CCSER1: variants seen among roughly 807,000 people sequenced by gnomAD.
The protein encoded by CCSER1 is serine-rich coiled-coil domain-containing protein 1.
A neutral mutation model predicts 82.0 loss-of-function variants in CCSER1; 41 were observed. The observed-to-expected ratio is 0.50, with a 90% CI of 0.39 to 0.65. The LOEUF is 0.65. Ranked by LOEUF, CCSER1 falls within the 30% of genes least tolerant of loss-of-function variation. The pLI is 0.00. For synonymous variants in CCSER1, 414 were observed against 383.9 expected (o/e 1.08, Z -0.92); for missense variants, 1,119 against 1,064.2 (o/e 1.05, Z -0.72).
rs1237651176 is a variant in CCSER1 at position 90,681,720 on chromosome 4, C to A, written c.1933-42194C>A. Among the ~76,000 whole-genome samples, 2 of 1,896 alleles carry A rather than the reference C, an allele frequency of 1.1e-3. 1 individual carries two copies. Among genetic ancestry groups the A allele is most frequent in the Non-Finnish European group, 2.4e-3 (2 of 818 alleles). 1.2% of individuals were successfully genotyped at this position (1,896 alleles called of 152,430 possible). ...GTCGCTCACGCTGGGAGCTGTAGACCGGAGCTGTTCCTATTCGGCCATCTT... is the reference window on the plus strand; with the variant it reads ...GTCGCTCACGCTGGGAGCTGTAGACAGGAGCTGTTCCTATTCGGCCATCTT... On this transcript the variant is annotated intron_variant, in intron 6 of 10. Coordinates refer to ENST00000509176, the MANE Select transcript of CCSER1 (RefSeq NM_001145065.2).
At chr4:90,164,198 T>C (rs964503152) in intron 1 of CCSER1, among the ~76,000 whole-genome samples, 1 of 151,924 alleles carries the variant, frequency 6.6e-6, no homozygotes, top group African/African-American at 2.4e-5. Flanking sequence ...ACACATTTAA[T>C]AAGGGTTTTT....
chr4:90,980,101 G>A (rs1735974307), intron 9 of CCSER1, among the ~76,000 whole-genome samples: 2 of 151,854 alleles, frequency 1.3e-5, no homozygotes. Flanking sequence ...GAATGCTCAG[G>A]AGAGTAATTT....
chr4:90,158,377 C>T (rs893777343), intron 1 of CCSER1, among the ~76,000 whole-genome samples: 13 of 152,274 alleles, frequency 8.5e-5, no homozygotes, highest in Admixed American at 4.6e-4. Context: ...TCTCCAGCTG[C>T]GTGCTGGGAG....
intron 8 of CCSER1, among the ~76,000 whole-genome samples, chr4:90,911,941 C>T (rs7697269): frequency 0.47 from 70,924 of 151,966 alleles, 18,223 homozygotes; most frequent in African/African-American, 0.7. Context: ...GAGGGGCGCC[C>T]GCCATTGCTG....
At position 91,012,654 on chromosome 4, in the gene CCSER1, A is replaced by G. The variant is rs555940160; in HGVS notation, c.2173-73296A>G. On this transcript the variant is annotated intron_variant, in intron 9 of 10. Coordinates refer to ENST00000509176, the MANE Select transcript of CCSER1 (RefSeq NM_001145065.2). ...AGCTAAGCCTCAAGGGTAGAAGGGTACAAAGGCCATACACTGCTACAACAG... is the reference window on the plus strand; with the variant it reads ...AGCTAAGCCTCAAGGGTAGAAGGGTGCAAAGGCCATACACTGCTACAACAG... Among the ~76,000 whole-genome samples, 7 of 113,834 alleles carry G rather than the reference A, an allele frequency of 6.1e-5. No individual in the cohort carries two copies. In the East Asian group the frequency reaches 1.8e-3, roughly 30 times the overall value. 74.7% of individuals were successfully genotyped at this position (113,834 alleles called of 152,430 possible).
chr4:91,463,273 T>C (rs1297754748), intron 10 of CCSER1, among the ~76,000 whole-genome samples: 1 of 152,052 alleles, frequency 6.6e-6, no homozygotes, highest in African/African-American at 2.4e-5. Flanking sequence ...TCCAGCAAAC[T>C]CAACAGACCT....
At chr4:90,285,868 AT>A (rs1271909917) in intron 1 of CCSER1, among the ~76,000 whole-genome samples, 3 of 151,786 alleles carry the variant, frequency 2.0e-5, no homozygotes, top group African/African-American at 7.3e-5. Context: ...ATATTAAATG[AT>A]TTTTTTGGCA....
chr4:91,462,985 G>T (rs1012375527), intron 10 of CCSER1, among the ~76,000 whole-genome samples: 4 of 152,234 alleles, frequency 2.6e-5, no homozygotes, highest in East Asian at 1.9e-4. Context: ...TAAATGTCCC[G>T]GTCTGACAGC....
intron 7 of CCSER1, among the ~76,000 whole-genome samples, chr4:90,814,737 C>A (rs1165345762): frequency 6.6e-6 from 1 of 152,182 alleles, no homozygotes; most frequent in Admixed American, 6.5e-5. Flanking sequence ...TAAAGCATAG[C>A]AATAGTGACC....
chr4:91,405,621 A>G (rs916022938), intron 10 of CCSER1, among the ~76,000 whole-genome samples: 3 of 152,188 alleles, frequency 2.0e-5, no homozygotes, highest in Admixed American at 6.5e-5. Context: ...GCAATTCAAT[A>G]TCAGACTGCT....
chr4:91,452,707 G>C (rs1755937284), intron 10 of CCSER1, among the ~76,000 whole-genome samples: 1 of 152,044 alleles, frequency 6.6e-6, no homozygotes, highest in South Asian at 2.1e-4. Context: ...CTTAGTCACA[G>C]CAAGTTCAAT....
intron 3 of CCSER1, among the ~76,000 whole-genome samples, chr4:90,338,380 C>T (rs888719212): frequency 2.0e-5 from 3 of 152,080 alleles, no homozygotes; most frequent in African/African-American, 4.8e-5. Flanking sequence ...TTATCATCTG[C>T]AGTTGTATTT....
chr4:90,841,577 CA>C (rs750390139), intron 8 of CCSER1, among the ~76,000 whole-genome samples: 768 of 50,916 alleles, frequency 0.015, 4 homozygotes, highest in African/African-American at 0.041. Context: ...GACTCTGTCT[CA>C]AAAAAAAAAA....
intron 7 of CCSER1, among the ~76,000 whole-genome samples, chr4:90,737,188 A>G (rs1348676277): frequency 6.6e-6 from 1 of 152,084 alleles, no homozygotes. Context: ...TTTTCTGTGT[A>G]CTTACTATTG....
At chr4:91,006,120 G>T (rs892296946) in intron 9 of CCSER1, among the ~76,000 whole-genome samples, 1 of 152,046 alleles carries the variant, frequency 6.6e-6, no homozygotes. Flanking sequence ...AACGTCATTA[G>T]TATTCTGATA....
intron 5 of CCSER1, among the ~76,000 whole-genome samples, chr4:90,570,400 GC>G (rs1560737401): frequency 1.3e-5 from 2 of 152,056 alleles, no homozygotes; most frequent in East Asian, 3.9e-4. Context: ...TGGGCTGTGG[GC>G]ACTACACTAG....
intron 1 of CCSER1, among the ~76,000 whole-genome samples, chr4:90,137,826 C>T (rs1316836215): frequency 2.6e-5 from 4 of 152,324 alleles, no homozygotes; most frequent in Non-Finnish European, 4.4e-5. Flanking sequence ...TCTGCTGTTG[C>T]AGATGCTACG....
At chr4:90,316,137 C>T (rs1736121758) in intron 3 of CCSER1, among the ~76,000 whole-genome samples, 1 of 152,166 alleles carries the variant, frequency 6.6e-6, no homozygotes, top group Admixed American at 6.5e-5. Flanking sequence ...ATTCAGTCCT[C>T]ACAACAGTAC....
rs553713345 is a variant in CCSER1, at chr4:90,536,059, G to A, written c.1724+67705G>A. Among the ~76,000 whole-genome samples the A allele has an allele frequency of 7.4e-5, 10 of 134,262 alleles. No individual in the cohort carries two copies. In the South Asian group the frequency reaches 2.4e-3, roughly 33 times the overall value. The allele number at this position is 134,262 out of a possible 152,430, so 88.1% of individuals were successfully genotyped here. ...TTTTTTTTTTTTTTTTTGAGACGGA[G>A]TCTTGCTTTGTCGCCCAGGCTGGAG... On this transcript the variant is annotated intron_variant, in intron 5 of 10. Transcript: ENST00000509176.
Sources: allele counts gnomAD v4.1 joint callset (sites outside exome capture counted in the v4.1 genomes callset), GRCh38; gene constraint gnomAD v4.1.1; transcripts MANE v1.5; gene names NCBI Gene and HGNC (gene_info 2026-07-23, HGNC 2026-07-21).